The following ATP10A variants were observed in gnomAD, a reference collection of about 807,000 sequenced individuals.
ATP10A encodes the protein phospholipid-transporting ATPase VA.
ATP10A carries 111 observed loss-of-function variants against 147.8 expected under a neutral mutation model. The observed-to-expected ratio is 0.75, with a 90% CI of 0.64 to 0.88. ATP10A has a LOEUF of 0.88. ATP10A is among the 40% of genes least tolerant of loss of function. The pLI is 0.00. For synonymous variants in ATP10A, 875 were observed against 841.6 expected (o/e 1.04, Z -0.69); for missense variants, 1,927 against 1,959.0 (o/e 0.98, Z 0.31).
At chr15:25,802,981 A>G (rs1376843473) in intron 1 of ATP10A, among the ~76,000 whole-genome samples, 2 of 152,224 alleles carry the variant, frequency 1.3e-5, no homozygotes, top group African/African-American at 4.8e-5. Flanking sequence ...GGGTGTGGCC[A>G]ACACCAGTAG....
chr15:25,685,533 T>C (rs1899665943), intron 16 of ATP10A, among the ~76,000 whole-genome samples: 1 of 152,168 alleles, frequency 6.6e-6, no homozygotes, highest in African/African-American at 2.4e-5. Context: ...GCTTTGTTTT[T>C]TTAAGATTTA....
intron 2 of ATP10A, among the ~76,000 whole-genome samples, chr15:25,751,335 C>T (rs192384505): frequency 1.9e-3 from 294 of 152,138 alleles, no homozygotes; most frequent in African/African-American, 6.6e-3. Context: ...GTTCAGTAGC[C>T]CTTTACAATA....
intron 3 of ATP10A, among the ~76,000 whole-genome samples, chr15:25,733,435 C>T (rs536257024): frequency 5.8e-4 from 89 of 152,274 alleles, no homozygotes; most frequent in African/African-American, 2.0e-3. Flanking sequence ...ACTCCTACCC[C>T]GGGAGTATTC....
chr15:25,850,648 C>CCCG (rs1893251204), intron 1 of ATP10A, among the ~76,000 whole-genome samples: 1 of 149,480 alleles, frequency 6.7e-6, no homozygotes. Context: ...TCCCTCCCCC[C>CCCG]CCAGCCCCGG....
intron 1 of ATP10A, among the ~76,000 whole-genome samples, chr15:25,788,264 G>T (rs1890259949): frequency 6.6e-6 from 1 of 152,168 alleles, no homozygotes; most frequent in Non-Finnish European, 1.5e-5. Flanking sequence ...TTCATTTAGG[G>T]TCACAAAGCC....
At chr15:25,677,095 G>T (rs1005706697), downstream of ATP10A, among the ~76,000 whole-genome samples, 1 of 151,548 alleles carries the variant, frequency 6.6e-6, no homozygotes, top group Non-Finnish European at 1.5e-5. Context: ...CTTTGAGCTG[G>T]GCACACTGTA....
chr15:25,757,694 TTGTG>T (rs1276590975), intron 2 of ATP10A, among the ~76,000 whole-genome samples: 1 of 152,206 alleles, frequency 6.6e-6, no homozygotes, highest in Non-Finnish European at 1.5e-5. Context: ...AGAGATAACT[TTGTG>T]TGGTCAAAAT....
chr15:25,690,447 C>A (rs1330203893), intron 15 of ATP10A, among the ~76,000 whole-genome samples: 1 of 152,128 alleles, frequency 6.6e-6, no homozygotes, highest in Non-Finnish European at 1.5e-5. Flanking sequence ...CACCACATTG[C>A]CCCGCTGGTC....
At chr15:25,773,253 G>T (rs1314257017) in intron 2 of ATP10A, among the ~76,000 whole-genome samples, 1 of 152,136 alleles carries the variant, frequency 6.6e-6, no homozygotes, top group African/African-American at 2.4e-5. Flanking sequence ...CCTTCCACTT[G>T]AGGAGCACTC....
intron 10 of ATP10A, 50 bp downstream of exon 10, chr15:25,713,624 C>A: frequency 6.4e-7 from 1 of 1,557,996 alleles, no homozygotes; most frequent in Non-Finnish European, 8.7e-7. Flanking sequence ...GGATATTTCT[C>A]AGGACCTCCT....
intron 1 of ATP10A, among the ~76,000 whole-genome samples, chr15:25,833,700 G>A (rs1360254461): frequency 2.0e-5 from 3 of 152,192 alleles, no homozygotes; most frequent in Admixed American, 2.0e-4. Context: ...TCTACTCTCA[G>A]CCGGGTGCCG....
At chr15:25,757,204 CTAAA>C (rs1888460468) in intron 2 of ATP10A, among the ~76,000 whole-genome samples, 1 of 152,098 alleles carries the variant, frequency 6.6e-6, no homozygotes, top group African/African-American at 2.4e-5. Flanking sequence ...TAGAGAGTAG[CTAAA>C]TATATTTGGG....
At chr15:25,794,698 C>T (rs997392455) in intron 1 of ATP10A, among the ~76,000 whole-genome samples, 10 of 152,180 alleles carry the variant, frequency 6.6e-5, no homozygotes, top group African/African-American at 1.2e-4. Flanking sequence ...TGACTTTACC[C>T]GGTAATATTC....
intron 7 of ATP10A, 95 bp downstream of exon 7, chr15:25,721,561 TG>T: frequency 8.5e-7 from 1 of 1,176,796 alleles, no homozygotes; most frequent in South Asian, 1.4e-5. Context: ...TGTGTGTGTG[TG>T]TGTGTGTGTG....
chr15:25,680,661 G>A (rs1443565113), intron 19 of ATP10A, 149 bp downstream of exon 19: 3 of 780,130 alleles, frequency 3.8e-6, no homozygotes, highest in Non-Finnish European at 6.5e-6. Context: ...GCTCGGGAAT[G>A]TGTCATTGTC....
At chr15:25,702,753 A>ATTTTT (rs760038774) in intron 12 of ATP10A, among the ~76,000 whole-genome samples, 1 of 141,410 alleles carries the variant, frequency 7.1e-6, no homozygotes, top group East Asian at 2.1e-4. Flanking sequence ...CCTGCCTCAG[A>ATTTTT]TTTTTTTTTT....
Position 25,780,003 on chromosome 15 carries a change from G to C in ATP10A, c.654+1016C>G, listed in dbSNP as rs183591750. ...ACCTGGCCTGCTGCAAGTGTGTCAG[G>C]CATCTCCCCCTGTGACGGTGACCGG... On this transcript the variant is annotated intron_variant, in intron 2 of 20. Coordinates refer to ENST00000555815, the MANE Select transcript of ATP10A (RefSeq NM_024490.4). Among the ~76,000 whole-genome samples the C allele has an allele frequency of 6.1e-4, 93 of 152,288 alleles. 1 individual carries two copies. Among genetic ancestry groups the C allele is most frequent in the Non-Finnish European group, 1.2e-3 (80 of 68,022 alleles).
chr15:25,827,138 A>C (rs1339331017), intron 1 of ATP10A, among the ~76,000 whole-genome samples: 2 of 152,220 alleles, frequency 1.3e-5, no homozygotes, highest in East Asian at 3.9e-4. Context: ...TGCTGAAATA[A>C]AGACTGCCAG....
chr15:25,676,017 G>A (rs1011157900), downstream of ATP10A, among the ~76,000 whole-genome samples: 14 of 152,130 alleles, frequency 9.2e-5, no homozygotes, highest in African/African-American at 3.4e-4. Context: ...AAAAGCTGGT[G>A]GTGACAAAGT....
Sources: gnomAD v4.1 joint callset for allele counts (sites outside exome capture counted in the v4.1 genomes callset) on GRCh38, gnomAD v4.1.1 for gene constraint, MANE v1.5 for transcripts, NCBI Gene and HGNC (gene_info 2026-07-23, HGNC 2026-07-21) for gene names.